The following NPEPPS variants were observed in gnomAD, a reference collection of about 807,000 sequenced individuals.
The protein encoded by NPEPPS is puromycin-sensitive aminopeptidase.
A neutral mutation model predicts 115.5 loss-of-function variants in NPEPPS; 14 were observed. The observed-to-expected ratio is 0.12, with a 90% CI of 0.08 to 0.19. The LOEUF (loss-of-function observed/expected upper bound fraction) is 0.19. NPEPPS is among the 10% of genes least tolerant of loss of function. The probability of loss-of-function intolerance (pLI) is 1.00; values close to 1 mark genes in which losing one functional copy is unlikely to be tolerated. For synonymous variants in NPEPPS, 285 were observed against 390.6 expected, an observed-to-expected ratio of 0.73 and a Z score of 3.19; for missense variants, 523 against 1,110.8, an observed-to-expected ratio of 0.47 and a Z score of 7.52.
At chr17:47,560,789 AC>A (rs1227628364) in intron 2 of NPEPPS, among the ~76,000 whole-genome samples, 2 of 152,176 alleles carry the variant, frequency 1.3e-5, no homozygotes, top group Non-Finnish European at 2.9e-5. Context: ...AACCACATAA[AC>A]AATATGATAG....
At chr17:47,608,358 G>A (rs1426538464) in intron 17 of NPEPPS, among the ~76,000 whole-genome samples, 1 of 152,016 alleles carries the variant, frequency 6.6e-6, no homozygotes, top group Non-Finnish European at 1.5e-5. Context: ...AGGAGGCTGA[G>A]GCAGGAAACT....
intron 4 of NPEPPS, chr17:47,579,926 T>TC (rs1262049264): frequency 6.1e-6 from 1 of 163,072 alleles, no homozygotes; most frequent in Non-Finnish European, 1.3e-5. Context: ...ATTTTTTTTT[T>TC]CTCCGTGTGT....
At chr17:47,600,465 T>A (rs1913126110) in intron 14 of NPEPPS, among the ~76,000 whole-genome samples, 1 of 152,126 alleles carries the variant, frequency 6.6e-6, no homozygotes, top group South Asian at 2.1e-4. Context: ...ACAAATCAGA[T>A]GACAGTTTTA....
At chr17:47,563,320 C>T (rs1385825159) in intron 2 of NPEPPS, among the ~76,000 whole-genome samples, 1 of 152,118 alleles carries the variant, frequency 6.6e-6, no homozygotes. Context: ...GCGTGAGCCA[C>T]CATGCCCAGC....
At chr17:47,559,394 T>G (rs1260234292) in intron 2 of NPEPPS, among the ~76,000 whole-genome samples, 1 of 152,196 alleles carries the variant, frequency 6.6e-6, no homozygotes, top group Non-Finnish European at 1.5e-5. Flanking sequence ...CCAAATTTGC[T>G]TGTTTTCTTT....
chr17:47,570,899 C>T (rs1911153034), intron 3 of NPEPPS, among the ~76,000 whole-genome samples: 1 of 152,138 alleles, frequency 6.6e-6, no homozygotes, highest in Non-Finnish European at 1.5e-5. Flanking sequence ...ATATCAAGAG[C>T]CTAAATATGT....
chr17:47,562,397 C>T (rs759016973), intron 2 of NPEPPS, among the ~76,000 whole-genome samples: 1 of 152,168 alleles, frequency 6.6e-6, no homozygotes, highest in African/African-American at 2.4e-5. Context: ...GTCTGCAGAA[C>T]TGATTGCTTC....
In NPEPPS at chr17:47,582,792, A is replaced by G; in HGVS notation, c.591A>G (p.Lys197=). ...AFPCWDEPAI[K]ATFDISLVVP... ...CTTGCTGGGATGAGCCTGCTATCAA[A>G]GCAACTTTTGATATCTCATTGGTTG... The change falls in exon 5 of 23, where the codon AAA becomes AAG. Residue 197 remains lysine (K), a synonymous_variant. Transcript: ENST00000322157. 9.8e-7 allele frequency: 1 copy of G among 1,023,888 alleles called. No homozygotes were observed. The highest frequency in any genetic ancestry group is 1.3e-5 in the South Asian group (1 of 76,784). 63.4% of individuals were successfully genotyped at this position (1,023,888 alleles called of 1,614,324 possible). A position where few individuals can be genotyped will look rare whatever the true frequency, so the allele number is the denominator to read the frequency against.
intron 2 of NPEPPS, among the ~76,000 whole-genome samples, chr17:47,561,158 C>A (rs770526492): frequency 6.6e-6 from 1 of 151,708 alleles, no homozygotes; most frequent in Non-Finnish European, 1.5e-5. Context: ...CCTCAGAATA[C>A]CATCTTGTAC....
At chr17:47,555,226 G>T (rs2611942) in intron 2 of NPEPPS, among the ~76,000 whole-genome samples, 1 of 151,924 alleles carries the variant, frequency 6.6e-6, no homozygotes, top group Non-Finnish European at 1.5e-5. Flanking sequence ...GATTCTTTAC[G>T]GTATTTTAAA....
chr17:47,565,505 C>CAAAAA (rs1172238090), intron 2 of NPEPPS, among the ~76,000 whole-genome samples: 4 of 64,494 alleles, frequency 6.2e-5, no homozygotes, highest in Admixed American at 1.8e-4. Flanking sequence ...GACTCCATCT[C>CAAAAA]AAAAAAAAAA....
intron 3 of NPEPPS, among the ~76,000 whole-genome samples, chr17:47,570,238 A>G (rs1306923380): frequency 6.6e-6 from 1 of 152,158 alleles, no homozygotes; most frequent in East Asian, 1.9e-4. Flanking sequence ...CATGGCGAAC[A>G]TGGCAAAACC....
intron 17 of NPEPPS, among the ~76,000 whole-genome samples, chr17:47,609,113 A>G (rs1913691924): frequency 6.6e-6 from 1 of 152,098 alleles, no homozygotes; most frequent in Admixed American, 6.6e-5. Flanking sequence ...ATTTTCTGCA[A>G]CTATTTGAAC....
chr17:47,535,289 C>T (rs1448539395), intron 1 of NPEPPS, among the ~76,000 whole-genome samples: 3 of 144,426 alleles, frequency 2.1e-5, no homozygotes, highest in Admixed American at 7.1e-5. Flanking sequence ...CGGTGGCTCA[C>T]GCCTGTAATC....
chr17:47,585,258 T>C (rs113974033), intron 5 of NPEPPS, among the ~76,000 whole-genome samples: 6 of 152,226 alleles, frequency 3.9e-5, no homozygotes, highest in Non-Finnish European at 7.3e-5. Flanking sequence ...CCTCTTTTCT[T>C]TCACAGGTCC....
intron 12 of NPEPPS, 27 bp from the exon 13 acceptor site, chr17:47,596,326 T>G (rs768106681): frequency 7.4e-7 from 1 of 1,348,816 alleles, no homozygotes; most frequent in Non-Finnish European, 1.0e-6. Context: ...ATATAAACAT[T>G]TTAGATTATC....
chr17:47,612,160 C>T (rs1913910894), intron 17 of NPEPPS, among the ~76,000 whole-genome samples: 1 of 152,130 alleles, frequency 6.6e-6, no homozygotes. Flanking sequence ...CTGTCCTTTT[C>T]ACACATAATC....
chr17:47,612,152 G>A (rs958746975), intron 17 of NPEPPS, among the ~76,000 whole-genome samples: 1 of 152,086 alleles, frequency 6.6e-6, no homozygotes, highest in East Asian at 1.9e-4. Flanking sequence ...ATGTAAGCCT[G>A]TCCTTTTCAC....
chr17:47,556,073 CTTTT>C (rs747406184), intron 2 of NPEPPS, among the ~76,000 whole-genome samples: 2 of 80,736 alleles, frequency 2.5e-5, no homozygotes, highest in African/African-American at 9.3e-5. Context: ...AAGCAATTCT[CTTTT>C]TTTTTTTTTT....
Sources: allele counts gnomAD v4.1 joint callset (sites outside exome capture counted in the v4.1 genomes callset), GRCh38; gene constraint gnomAD v4.1.1; transcripts MANE v1.5; gene names NCBI Gene and HGNC (gene_info 2026-07-23, HGNC 2026-07-21).